PRIM2: variants seen among roughly 807,000 people sequenced by gnomAD.
The protein encoded by PRIM2 is DNA primase subunit 2.
PRIM2 carries 39 observed loss-of-function variants against 67.3 expected under a neutral mutation model. The observed-to-expected ratio is 0.58, with a 90% CI of 0.45 to 0.76. PRIM2 has a LOEUF of 0.76. PRIM2 is among the 30% of genes least tolerant of loss of function. The pLI is 0.00. For synonymous variants in PRIM2, 143 were observed against 198.7 expected, an observed-to-expected ratio of 0.72 and a Z score of 2.36; for missense variants, 398 against 598.7, an observed-to-expected ratio of 0.66 and a Z score of 3.50.
At chr6:57,293,011 C>T in the PRIM2 span, among the ~76,000 whole-genome samples, 1 of 152,274 alleles carries the variant, frequency 6.6e-6, no homozygotes, top group Non-Finnish European at 1.5e-5. Context: ...AACTAAAGAG[C>T]TTCTGCACAG....
chr6:57,401,953 A>G (rs1392343408), intron 7 of PRIM2, among the ~76,000 whole-genome samples: 1 of 152,216 alleles, frequency 6.6e-6, no homozygotes, highest in Admixed American at 6.5e-5. Flanking sequence ...CTGCAGAGGC[A>G]GTGGCAGGGA....
chr6:57,362,579 A>T (rs559552915), intron 5 of PRIM2, among the ~76,000 whole-genome samples: 1 of 152,296 alleles, frequency 6.6e-6, no homozygotes, highest in East Asian at 1.9e-4. Flanking sequence ...TGATCTTGAA[A>T]ATGTCCAAGA....
chr6:57,420,513 A>C (rs2127371415), intron 7 of PRIM2, among the ~76,000 whole-genome samples: 1 of 152,242 alleles, frequency 6.6e-6, no homozygotes, highest in Middle Eastern at 3.4e-3. Flanking sequence ...AAAAAAAAAG[A>C]ATAATATTTC....
chr6:57,537,365 G>A, intron 9 of PRIM2, 75 bp from the exon 10 acceptor site: 4 of 713,854 alleles, frequency 5.6e-6, no homozygotes. Context: ...ATTGAATTAG[G>A]AACCATAACA....
intron 10 of PRIM2, among the ~76,000 whole-genome samples, chr6:57,575,532 C>G (rs1436098925): frequency 1.3e-5 from 2 of 152,140 alleles, no homozygotes; most frequent in Non-Finnish European, 2.9e-5. Context: ...TTGAGGGACT[C>G]TGTTACTCAG....
At chr6:57,419,147 A>G (rs1297709928) in intron 7 of PRIM2, among the ~76,000 whole-genome samples, 2 of 151,990 alleles carry the variant, frequency 1.3e-5, no homozygotes, top group South Asian at 2.1e-4. Context: ...TTCATGTAAG[A>G]AGTTATGAAG....
intron 5 of PRIM2, among the ~76,000 whole-genome samples, chr6:57,370,423 T>A (rs7739366): frequency 1.3e-5 from 2 of 152,248 alleles, no homozygotes; most frequent in Admixed American, 6.5e-5. Flanking sequence ...GTAAAGTTTC[T>A]GACAGTCATC....
At chr6:57,288,217 G>T in the PRIM2 span, among the ~76,000 whole-genome samples, 1 of 152,166 alleles carries the variant, frequency 6.6e-6, no homozygotes, top group Non-Finnish European at 1.5e-5. Flanking sequence ...AGCTTGGCGT[G>T]GGGAGGGGGT....
At chr6:57,438,476 G>A (rs1240548044) in intron 7 of PRIM2, among the ~76,000 whole-genome samples, 1 of 151,940 alleles carries the variant, frequency 6.6e-6, no homozygotes, top group Non-Finnish European at 1.5e-5. Flanking sequence ...TTTGATGAAT[G>A]TGATTATACT....
chr6:57,568,255 G>A (rs1443655524), intron 10 of PRIM2, among the ~76,000 whole-genome samples: 7 of 152,128 alleles, frequency 4.6e-5, no homozygotes, highest in East Asian at 1.9e-4. Flanking sequence ...ATGTTTTTCC[G>A]TGACCAATAA....
chr6:57,432,598 T>C (rs1771874235), intron 7 of PRIM2, among the ~76,000 whole-genome samples: 1 of 152,244 alleles, frequency 6.6e-6, no homozygotes, highest in Non-Finnish European at 1.5e-5. Flanking sequence ...ATATTTTCCA[T>C]TTTAATGTTA....
At chr6:57,563,961 C>T (rs1249051615) in intron 10 of PRIM2, among the ~76,000 whole-genome samples, 1 of 152,146 alleles carries the variant, frequency 6.6e-6, no homozygotes. Flanking sequence ...GTACAGCCGG[C>T]CTTAGCTTTT....
the PRIM2 span, among the ~76,000 whole-genome samples, chr6:57,240,516 T>C: frequency 2.0e-5 from 3 of 151,584 alleles, no homozygotes; most frequent in Non-Finnish European, 4.4e-5. Context: ...GAAGATAAAA[T>C]GAAAGAGTAC....
At chr6:57,619,061 C>G (rs1389773883) in intron 12 of PRIM2, among the ~76,000 whole-genome samples, 1 of 152,160 alleles carries the variant, frequency 6.6e-6, no homozygotes, top group Non-Finnish European at 1.5e-5. Flanking sequence ...CGCTGGTATC[C>G]GTGGTTGAGA....
intron 5 of PRIM2, among the ~76,000 whole-genome samples, chr6:57,357,432 C>A (rs1769066235): frequency 2.6e-5 from 4 of 152,186 alleles, no homozygotes; most frequent in African/African-American, 4.8e-5. Flanking sequence ...TATGGACCAG[C>A]CATGTGAACT....
At chr6:57,548,377 A>G (rs1456467807) in intron 10 of PRIM2, among the ~76,000 whole-genome samples, 1 of 152,172 alleles carries the variant, frequency 6.6e-6, no homozygotes, top group African/African-American at 2.4e-5. Context: ...TCAGGAAGGA[A>G]AGAAATAGAG....
chr6:57,285,440 C>T, the PRIM2 span, among the ~76,000 whole-genome samples: 2 of 152,222 alleles, frequency 1.3e-5, no homozygotes, highest in Non-Finnish European at 2.9e-5. Flanking sequence ...AAGTTGGCTT[C>T]ATCCCTGTGA....
upstream of PRIM2, among the ~76,000 whole-genome samples, chr6:57,316,920 A>G (rs538804668): frequency 4.4e-4 from 67 of 152,278 alleles, no homozygotes; most frequent in Admixed American, 2.0e-3. Context: ...GCCTTCTTTC[A>G]TTCATTCTAG....
intron 7 of PRIM2, among the ~76,000 whole-genome samples, chr6:57,426,147 C>T (rs1771617771): frequency 6.6e-6 from 1 of 152,048 alleles, no homozygotes; most frequent in Non-Finnish European, 1.5e-5. Flanking sequence ...TAATATTTGG[C>T]AAAAGTATAC....
Sources: gnomAD v4.1 joint callset for allele counts (sites outside exome capture counted in the v4.1 genomes callset) on GRCh38, gnomAD v4.1.1 for gene constraint, MANE v1.5 for transcripts, NCBI Gene and HGNC (gene_info 2026-07-23, HGNC 2026-07-21) for gene names.